TEP1: variants seen among roughly 807,000 people sequenced by gnomAD.
TEP1 encodes telomerase associated protein 1, also known as telomerase protein component 1.
In TEP1, 241 loss-of-function variants were observed where a neutral mutation model predicts 306.3. The ratio of observed to expected loss-of-function variants is 0.79; its 90% CI spans 0.71 to 0.88. TEP1 has a LOEUF of 0.88. Ranked by LOEUF, TEP1 falls within the 40% of genes least tolerant of loss-of-function variation. TEP1 has a pLI of 0.00. For synonymous variants in TEP1, 1,289 were observed against 1,305.5 expected (o/e 0.99, Z 0.27); for missense variants, 3,051 against 3,276.1 (o/e 0.93, Z 1.68).
intron 51 of TEP1, among the ~76,000 whole-genome samples, chr14:20,370,306 C>T (rs986106906): frequency 6.6e-6 from 1 of 152,228 alleles, no homozygotes; most frequent in Non-Finnish European, 1.5e-5. Context: ...TAGAGCATTT[C>T]CATCACCTCA....
Position 20,380,986 on chromosome 14 carries a change from A to G in TEP1, c.4707T>C (p.Ala1569=). The part of the protein sequence containing the change: ...SKFLTNLHVV[A]AHLELGLVSR... ...AGACCAGACCCAATTCCAAGTGTGCAGCCACCACATGGAGGTTGGTAAGGA... is the reference window on the plus strand; with the variant it reads ...AGACCAGACCCAATTCCAAGTGTGCGGCCACCACATGGAGGTTGGTAAGGA... Residue 1569 remains alanine, a synonymous_variant, in exon 33 of 55, where the codon GCT becomes GCC. Transcript: ENST00000262715. 6.2e-7 allele frequency: 1 copy of G among 1,614,198 alleles called. No individual in the cohort carries two copies. The highest frequency in any genetic ancestry group is 8.5e-7 in the Non-Finnish European group (1 of 1,180,034).
At chr14:20,388,091 G>A (rs758988964) in intron 17 of TEP1, 28 bp from the exon 18 acceptor site, 4 of 1,612,834 alleles carry the variant, frequency 2.5e-6, no homozygotes, top group East Asian at 4.5e-5. Flanking sequence ...ATAAATGAGA[G>A]TAGAATACCA....
At chr14:20,396,533 G>T in intron 10 of TEP1, 88 bp downstream of exon 10, 1 of 1,154,716 alleles carries the variant, frequency 8.7e-7, no homozygotes, top group Non-Finnish European at 1.2e-6. Flanking sequence ...TCTGCCCCCT[G>T]AAAAAGCCTG....
At position 20,383,889 on chromosome 14, in the gene TEP1, A is replaced by G; in HGVS notation, c.3564T>C (p.Pro1188=). The G allele has an allele frequency of 6.2e-7, 1 of 1,600,956 alleles. No homozygotes were observed. Residue 1188 remains proline (P), a synonymous_variant, in exon 25 of 55, where the codon CCT becomes CCC. Transcript: ENST00000262715. ...CTAATGATGCCACCTTGGCCCCATCAGGAGCCTGCAGGGCTGACACAAGAG... is the reference window on the plus strand; with the variant it reads ...CTAATGATGCCACCTTGGCCCCATCGGGAGCCTGCAGGGCTGACACAAGAG... ...LASLVSALQA[P]DGAKVASLVF...
rs760296382 is a variant in TEP1 at position 20,371,571 on chromosome 14, G to C, written c.7138C>G (p.Pro2380Ala). 10 of 1,606,422 alleles carry C rather than the reference G, an allele frequency of 6.2e-6. No individual in the cohort carries two copies. The Admixed American group carries it at 1.6e-4, about 26-fold the overall frequency. Residue 2380 changes from proline (P) to alanine (A), a missense_variant, in exon 50 of 55, where the codon CCT (proline) becomes GCT (alanine). By Grantham distance (27) the Pro-to-Ala change is conservative. Around this residue, in one of 3 missense-constraint regions of TEP1, gnomAD observed 1,540 missense variants for 1,705.9 expected, o/e 0.90. Transcript: ENST00000262715. ...GCCAAGATGAGAAAGTGACCATCAG[G>C]AGCCCAATCCAGACTTGTCAGCACC... is the stretch of plus-strand genomic sequence containing the variant. ...LGVLTSLDWA[P>A]DGHFLILAKA... is the part of the protein sequence containing the mutation.
At chr14:20,395,788 T>C (rs1465055806) in intron 11 of TEP1, 71 bp downstream of exon 11, 51 of 1,549,398 alleles carry the variant, frequency 3.3e-5, no homozygotes, top group Non-Finnish European at 4.4e-5. Context: ...AGGCTAAAAA[T>C]ATTGGTGCTG....
At chr14:20,406,028 A>G (rs1030382065) in intron 3 of TEP1, among the ~76,000 whole-genome samples, 5 of 151,392 alleles carry the variant, frequency 3.3e-5, no homozygotes, top group African/African-American at 1.2e-4. Flanking sequence ...AAAAAAAAAG[A>G]AAAGGAAAAG....
In TEP1 at chr14:20,379,911, C is replaced by T. The variant is rs1475739173; in HGVS notation, c.5127+19G>A. On this transcript the variant is annotated intron_variant, in intron 35 of 54. Transcript: ENST00000262715. The stretch of plus-strand genomic sequence containing the variant: ...TGGATTTTCAGAGGGTAAATTCTGC[C>T]CCTCCTTGATTGTCATACCTGCCAA... 7.5e-6 allele frequency: 12 copies of T among 1,601,568 alleles called. No homozygotes were observed. Among genetic ancestry groups the T allele is most frequent in the African/African-American group, 1.3e-5 (1 of 74,364 alleles).
intron 9 of TEP1, among the ~76,000 whole-genome samples, chr14:20,399,632 TA>T (rs71416944): frequency 0.34 from 26,348 of 78,400 alleles, 3,198 homozygotes; most frequent in South Asian, 0.36. Flanking sequence ...CCCTGTTTCT[TA>T]AAAAAAAAAA....
intron 13 of TEP1, among the ~76,000 whole-genome samples, chr14:20,391,367 C>T (rs1337542265): frequency 6.6e-6 from 1 of 152,108 alleles, no homozygotes; most frequent in Non-Finnish European, 1.5e-5. Flanking sequence ...TTAGAGAGTA[C>T]CAAGTACCAG....
chr14:20,376,205 C>A lies in TEP1; in HGVS notation c.6148G>T (p.Asp2050Tyr). The part of the protein sequence containing the change: ...QLLTRPHKAE[D>Y]FPCGTELRGH... ...CGCAGCTCAGTGCCACAGGGAAAGT[C>A]TTCTGCCTTGTGTGGCCGCGTCAGC... is the stretch of plus-strand genomic sequence containing the variant. Residue 2050 changes from aspartate to tyrosine, a missense_variant, in exon 42 of 55, where the codon GAC becomes TAC. Coordinates refer to ENST00000262715, the MANE Select transcript of TEP1 (RefSeq NM_007110.5). 1 of 1,614,202 alleles carries A rather than the reference C, an allele frequency of 6.2e-7. No individual in the cohort carries two copies. Among genetic ancestry groups the A allele is most frequent in the South Asian group, 1.1e-5 (1 of 91,072 alleles).
chr14:20,392,598 A>G (rs1877817747), intron 12 of TEP1, among the ~76,000 whole-genome samples: 1 of 152,226 alleles, frequency 6.6e-6, no homozygotes, highest in Admixed American at 6.5e-5. Flanking sequence ...ATGCCATAAG[A>G]ACAATTAAAA....
At position 20,368,351 on chromosome 14, in the gene TEP1, A is replaced by G; in HGVS notation, c.*86T>C. Reference sequence around the variant, plus strand: ...TTTTTATAATTATCAAGAAATTATTAATTTTATAATTATTAAAAGCTACCA... The same window carrying G: ...TTTTTATAATTATCAAGAAATTATTGATTTTATAATTATTAAAAGCTACCA... On this transcript the variant is annotated 3_prime_UTR_variant, in exon 55 of 55. Coordinates refer to ENST00000262715, the MANE Select transcript of TEP1 (RefSeq NM_007110.5). The G allele has an allele frequency of 7.1e-7, 1 of 1,416,290 alleles. No homozygotes were observed. Among genetic ancestry groups the G allele is most frequent in the Non-Finnish European group, 9.5e-7 (1 of 1,053,210 alleles). The allele number at this position is 1,416,290 out of a possible 1,614,324, so 87.7% of individuals were successfully genotyped here.
At chr14:20,371,918 G>GTATC (rs1884865130) in intron 49 of TEP1, among the ~76,000 whole-genome samples, 1 of 151,878 alleles carries the variant, frequency 6.6e-6, no homozygotes, top group South Asian at 2.1e-4. Flanking sequence ...GCCTAAATCC[G>GTATC]TATCTCCCCT....
chr14:20,401,667 C>G, intron 7 of TEP1, 86 bp from the exon 8 acceptor site: 1 of 1,546,402 alleles, frequency 6.5e-7, no homozygotes, highest in Non-Finnish European at 8.8e-7. Context: ...GTAAGACCAT[C>G]CGATCCCTAT....
In TEP1 at chr14:20,377,590, A is replaced by G. The variant is rs1885259389; in HGVS notation, c.5875+10T>C. On this transcript the variant is annotated intron_variant, in intron 40 of 54. Coordinates refer to ENST00000262715, the MANE Select transcript of TEP1 (RefSeq NM_007110.5). ...AAGGCTCAAAAACCCACCCATTCCCATTTCAGTACCTGAAGAGATTTTGTA... is the reference window on the plus strand; with the variant it reads ...AAGGCTCAAAAACCCACCCATTCCCGTTTCAGTACCTGAAGAGATTTTGTA... 2.5e-6 allele frequency: 4 copies of G among 1,614,126 alleles called. No homozygotes were observed. Among genetic ancestry groups the G allele is most frequent in the East Asian group, 4.5e-5 (2 of 44,868 alleles).
At position 20,386,557 on chromosome 14, in the gene TEP1, C is replaced by G; in HGVS notation, c.2751G>C (p.Leu917=). The G allele has an allele frequency of 1.2e-6, 2 of 1,612,202 alleles. No homozygotes were observed. The highest frequency in any genetic ancestry group is 1.7e-6 in the Non-Finnish European group (2 of 1,178,658). ...GCAGTGCTGGCAGCACAGACCTCAG[C>G]AGCAGGTCCCGCTCCCCATGCATGT... The part of the protein sequence containing the change: ...FRDMHGERDL[L]LRSVLPALQA... Residue 917 remains leucine, a synonymous_variant, in exon 19 of 55, where the codon CTG becomes CTC. Transcript: ENST00000262715.
At chr14:20,409,795 C>T (rs1012771938) in intron 1 of TEP1, among the ~76,000 whole-genome samples, 39 of 151,862 alleles carry the variant, frequency 2.6e-4, no homozygotes, top group East Asian at 1.2e-3. Flanking sequence ...CCGAGGCGGG[C>T]GGATCACAAG....
Position 20,383,789 on chromosome 14 carries a change from G to C in TEP1, c.3664C>G (p.Leu1222Val), listed in dbSNP as rs376720161. The C allele has an allele frequency of 2.2e-5, 36 of 1,611,146 alleles. No homozygotes were observed. The African/African-American group carries it at 4.0e-4, about 18-fold the overall frequency. Residue 1222 changes from leucine to valine, a missense_variant, in exon 25 of 55, where the codon CTG becomes GTG. Around this residue, in one of 3 missense-constraint regions of TEP1, gnomAD observed 1,507 missense variants for 1,550.5 expected, o/e 0.97. Transcript: ENST00000262715. The stretch of plus-strand genomic sequence containing the variant: ...CCTGGCTCTTTTAGTTGGCCACGCA[G>C]ATAGGTACAGAGGCGTCTGAGCAGA... Reference protein sequence around the residue: ...LTLLRRLCTYLRGQLKEPGAL... With the variant: ...LTLLRRLCTYVRGQLKEPGAL...
Sources: gnomAD v4.1 joint callset for allele counts (sites outside exome capture counted in the v4.1 genomes callset) on GRCh38, gnomAD v4.1.1 for gene constraint, gnomAD v4.1.1 regional missense constraint, MANE v1.5 for transcripts, NCBI Gene and HGNC (gene_info 2026-07-23, HGNC 2026-07-21) for gene names.